Variants in TMEM131L observed in about 807,000 individuals in gnomAD.
TMEM131L encodes the protein transmembrane protein 131-like.
Under a neutral mutation model 192.2 loss-of-function variants are expected in TMEM131L, and 54 were observed. The ratio of observed to expected loss-of-function variants is 0.28; its 90% CI spans 0.23 to 0.35. TMEM131L has a LOEUF of 0.35. Among genes scored for constraint, TMEM131L ranks in the 10% least tolerant of loss-of-function variants. TMEM131L has a pLI of 1.00. For missense variants in TMEM131L, 1,888 were observed against 1,972.9 expected (o/e 0.96, Z 0.82); for synonymous variants, 701 against 704.9 (o/e 0.99, Z 0.09).
chr4:153,590,466 G>A (rs1730990033), intron 16 of TMEM131L, among the ~76,000 whole-genome samples: 2 of 152,128 alleles, frequency 1.3e-5, no homozygotes, highest in East Asian at 1.9e-4. Context: ...ACTCTCCATT[G>A]TACATACCTT....
At chr4:153,609,244 A>AG (rs1732449596) in intron 25 of TMEM131L, among the ~76,000 whole-genome samples, 1 of 152,190 alleles carries the variant, frequency 6.6e-6, no homozygotes, top group Non-Finnish European at 1.5e-5. Context: ...GGAGGGGTAA[A>AG]GGGGAAGCAA....
At chr4:153,525,998 A>G (rs1219858546) in intron 3 of TMEM131L, among the ~76,000 whole-genome samples, 2 of 152,104 alleles carry the variant, frequency 1.3e-5, no homozygotes, top group Admixed American at 1.3e-4. Flanking sequence ...TTGGGACTAC[A>G]GGCACGCACT....
intron 26 of TMEM131L, among the ~76,000 whole-genome samples, chr4:153,613,006 C>T (rs1186024318): frequency 6.6e-6 from 1 of 152,126 alleles, no homozygotes; most frequent in Non-Finnish European, 1.5e-5. Flanking sequence ...AAGCTTGCCT[C>T]AGACTTTTCA....
At chr4:153,584,663 A>G (rs1730582800) in intron 11 of TMEM131L, among the ~76,000 whole-genome samples, 172 bp from the exon 12 acceptor site, 1 of 152,274 alleles carries the variant, frequency 6.6e-6, no homozygotes, top group African/African-American at 2.4e-5. Flanking sequence ...AATTGGCAAC[A>G]AAGAAGATGA....
rs116625587 is a variant in TMEM131L, at chr4:153,477,544, G to A, written c.239+3656G>A. Among the ~76,000 whole-genome samples, 518 of 152,218 alleles carry A rather than the reference G, an allele frequency of 3.4e-3. 2 individuals are homozygous for A. The highest frequency in any genetic ancestry group is 0.012 in the African/African-American group (480 of 41,516). ...CTTTTCACATAGCATCAGATTATCA[G>A]AATGAAAGATGTGGGAATGAGGGAG... On this transcript the variant is annotated intron_variant, in intron 3 of 34. Transcript: ENST00000409959.
rs575958457 is a variant in TMEM131L at position 153,605,058 on chromosome 4, A to G, written c.3418+628A>G. Among the ~76,000 whole-genome samples, 242 of 152,310 alleles carry G rather than the reference A, an allele frequency of 1.6e-3. 3 individuals are homozygous for G. Among genetic ancestry groups the G allele is most frequent in the African/African-American group, 5.4e-3 (224 of 41,568 alleles). ...ACTATCTGTAAAAATTAATCAGCCC[A>G]TGAAATGTTTCTGACTGAACAAAAC... On this transcript the variant is annotated intron_variant, in intron 25 of 34. Transcript: ENST00000409959.
chr4:153,539,272 C>T (rs148785075), intron 3 of TMEM131L, among the ~76,000 whole-genome samples: 2 of 152,304 alleles, frequency 1.3e-5, no homozygotes, highest in African/African-American at 2.4e-5. Flanking sequence ...AGACTGGTTT[C>T]TCCAGTGCCA....
At chr4:153,485,991 C>T (rs1288780941) in intron 3 of TMEM131L, among the ~76,000 whole-genome samples, 1 of 152,114 alleles carries the variant, frequency 6.6e-6, no homozygotes, top group East Asian at 1.9e-4. Context: ...TCCTAGGTGT[C>T]CTCTCTCTGT....
rs371435446 is a variant in TMEM131L, at chr4:153,574,328, TGGG to T, written c.661-6495_661-6493del. ...AATAAAAGGGTAGTGGTGGTGGTGG[TGGG>T]GGTTGAAACACAATTGCTATTTAAT... On this transcript the variant is annotated intron_variant, in intron 7 of 34. Coordinates refer to ENST00000409959, the MANE Select transcript of TMEM131L (RefSeq NM_001131007.2). Among the ~76,000 whole-genome samples, 104 of 147,882 alleles carry T rather than the reference TGGG, an allele frequency of 7.0e-4. 3 individuals are homozygous for T. The highest frequency in any genetic ancestry group is 2.3e-3 in the African/African-American group (93 of 39,800).
At position 153,602,204 on chromosome 4, in the gene TMEM131L, G is replaced by A; in HGVS notation, c.2319G>A (p.Glu773=). 2 of 1,610,882 alleles carry A rather than the reference G, an allele frequency of 1.2e-6. No individual in the cohort carries two copies. The highest frequency in any genetic ancestry group is 1.7e-6 in the Non-Finnish European group (2 of 1,178,722). Reference sequence around the variant, plus strand: ...CTATTACAAAGAACTTTAAAGTTGAGAATATTGGACCTCTTCCTATAACTG... The same window carrying A: ...CTATTACAAAGAACTTTAAAGTTGAAAATATTGGACCTCTTCCTATAACTG... ...ILSITKNFKV[E]NIGPLPITVS... is the part of the protein sequence containing the mutation. Residue 773 remains glutamate (E), a synonymous_variant, in exon 22 of 35, where the codon GAG becomes GAA. Transcript: ENST00000409959.
intron 7 of TMEM131L, among the ~76,000 whole-genome samples, chr4:153,560,711 C>G (rs1485257488): frequency 6.6e-6 from 1 of 152,208 alleles, no homozygotes; most frequent in Non-Finnish European, 1.5e-5. Flanking sequence ...AGCATGTTTT[C>G]AGTTTCATCC....
At chr4:153,532,586 C>T (rs979108004) in intron 3 of TMEM131L, among the ~76,000 whole-genome samples, 4 of 151,942 alleles carry the variant, frequency 2.6e-5, no homozygotes, top group African/African-American at 9.7e-5. Context: ...CACTTTTATC[C>T]CTCCTAAAAT....
chr4:153,601,902 T>C (rs1731862912), intron 21 of TMEM131L: 2 of 255,358 alleles, frequency 7.8e-6, no homozygotes, highest in Non-Finnish European at 1.5e-5. Context: ...TTACTTTTTG[T>C]ATCTTGGTAG....
chr4:153,570,265 C>T (rs1729497723), intron 7 of TMEM131L, among the ~76,000 whole-genome samples: 1 of 152,180 alleles, frequency 6.6e-6, no homozygotes, highest in South Asian at 2.1e-4. Flanking sequence ...CACTTCCCAG[C>T]CCTCCAAGCA....
intron 2 of TMEM131L, among the ~76,000 whole-genome samples, chr4:153,472,588 A>G (rs1277892005): frequency 6.6e-6 from 1 of 152,110 alleles, no homozygotes; most frequent in East Asian, 1.9e-4. Flanking sequence ...TCTAAATGGA[A>G]GCAGAGAGAT....
intron 3 of TMEM131L, among the ~76,000 whole-genome samples, chr4:153,498,648 T>G (rs547602089): frequency 6.6e-6 from 1 of 152,276 alleles, no homozygotes; most frequent in South Asian, 2.1e-4. Context: ...ATAGAGAGTG[T>G]GAACAATGAG....
chr4:153,557,418 A>G (rs956846353), intron 6 of TMEM131L, among the ~76,000 whole-genome samples: 7 of 152,160 alleles, frequency 4.6e-5, no homozygotes, highest in African/African-American at 1.4e-4. Context: ...GTTCAGAAGG[A>G]GGTGCTCTAA....
intron 14 of TMEM131L, 99 bp from the exon 15 acceptor site, chr4:153,587,643 C>T: frequency 1.1e-6 from 1 of 872,834 alleles, no homozygotes; most frequent in East Asian, 2.4e-5. Context: ...GGGAAGTTCA[C>T]TGAGGTGCAG....
chr4:153,504,542 C>A (rs1733857301), intron 3 of TMEM131L, among the ~76,000 whole-genome samples: 1 of 152,032 alleles, frequency 6.6e-6, no homozygotes, highest in African/African-American at 2.4e-5. Context: ...CCTGCCTTAG[C>A]CTCCCAAAGT....
Sources: gnomAD v4.1 joint callset for allele counts (sites outside exome capture counted in the v4.1 genomes callset) on GRCh38, gnomAD v4.1.1 for gene constraint, MANE v1.5 for transcripts, NCBI Gene and HGNC (gene_info 2026-07-23, HGNC 2026-07-21) for gene names.